Variants in OPA3 observed in about 807,000 individuals in gnomAD.
OPA3 encodes the protein outer mitochondrial membrane lipid metabolism regulator OPA3.
A neutral mutation model predicts 4.0 loss-of-function variants in OPA3; 6 were observed. The ratio of observed to expected loss-of-function variants is 1.51; its 90% CI spans 0.83 to 2.99. The LOEUF is 2.99. Ranked by LOEUF, OPA3 falls within the 30% of genes most tolerant of loss-of-function variation. The pLI is 0.00. For synonymous variants in OPA3, 105 were observed against 117.1 expected (o/e 0.90, Z 0.67); for missense variants, 235 against 256.2 (o/e 0.92, Z 0.56).
intron 1 of OPA3, among the ~76,000 whole-genome samples, chr19:45,582,545 G>A (rs1378051352): frequency 3.3e-5 from 5 of 151,926 alleles, no homozygotes; most frequent in East Asian, 3.9e-4. Flanking sequence ...GTGCGATCTC[G>A]GTGGAGCAGA....
At chr19:45,535,375 T>C (rs1357540561) in intron 1 of OPA3, among the ~76,000 whole-genome samples, 1 of 150,320 alleles carries the variant, frequency 6.7e-6, no homozygotes, top group African/African-American at 2.4e-5. Context: ...ATTACTTTTT[T>C]TTTTTTTTTT....
At chr19:45,579,092 C>T (rs554577204) in intron 1 of OPA3, among the ~76,000 whole-genome samples, 5 of 152,112 alleles carry the variant, frequency 3.3e-5, no homozygotes, top group Non-Finnish European at 7.3e-5. Flanking sequence ...TCGTTCCCTC[C>T]CTCCTTGGCA....
chr19:45,529,167 C>A (rs902420776), exon 2 of OPA3: 33 of 1,609,672 alleles, frequency 2.1e-5, no homozygotes, highest in Non-Finnish European at 2.7e-5. Context: ...CGAGCTGCGT[C>A]GACGTCGCCT....
chr19:45,555,843 G>A (rs1281710844), intron 1 of OPA3, among the ~76,000 whole-genome samples: 1 of 151,914 alleles, frequency 6.6e-6, no homozygotes, highest in Non-Finnish European at 1.5e-5. Flanking sequence ...TGTTGCCTAG[G>A]CTGGTCTTGA....
At chr19:45,577,416 AGGGC>A in intron 1 of OPA3, among the ~76,000 whole-genome samples, 1 of 152,332 alleles carries the variant, frequency 6.6e-6, no homozygotes, top group South Asian at 2.1e-4. Context: ...GCCACAGCAA[AGGGC>A]AATCAGCAGT....
At chr19:45,560,071 T>C (rs925115061) in intron 1 of OPA3, among the ~76,000 whole-genome samples, 2 of 152,218 alleles carry the variant, frequency 1.3e-5, no homozygotes, top group African/African-American at 4.8e-5. Context: ...TCCTGACTTC[T>C]GTCAGGAATT....
intron 1 of OPA3, among the ~76,000 whole-genome samples, chr19:45,573,504 C>A (rs1969719543): frequency 6.6e-6 from 1 of 152,048 alleles, no homozygotes; most frequent in African/African-American, 2.4e-5. Context: ...GTACAGAGTA[C>A]TTGAGGGCCA....
intron 1 of OPA3, among the ~76,000 whole-genome samples, chr19:45,569,133 A>G (rs1375741837): frequency 2.6e-5 from 4 of 152,120 alleles, no homozygotes; most frequent in Non-Finnish European, 5.9e-5. Flanking sequence ...GAGGATACTC[A>G]GGGGTTTCTA....
At chr19:45,545,843 G>A (rs1599956390), downstream of OPA3, among the ~76,000 whole-genome samples, 1 of 150,762 alleles carries the variant, frequency 6.6e-6, no homozygotes, top group Admixed American at 6.7e-5. Flanking sequence ...CTCCCAAGTA[G>A]CTGGGACTAC....
Position 45,549,434 on chromosome 19 carries a change from C to A in OPA3, c.*4080G>T. The A allele has an allele frequency of 3.0e-6, 3 of 984,798 alleles. No individual in the cohort carries two copies. Among genetic ancestry groups the A allele is most frequent in the Non-Finnish European group, 3.6e-6 (3 of 829,908 alleles). 61.0% of individuals were successfully genotyped at this position (984,798 alleles called of 1,614,324 possible). ...GAGCAGCACTCCATCTGGGTCAGGA[C>A]AGCGCTGGGGTCAGGAATTGGAGCT... On this transcript the variant is annotated 3_prime_UTR_variant, in exon 2 of 2. Transcript: ENST00000263275.
chr19:45,546,833 T>G lies in OPA3; in HGVS notation c.*6681A>C, dbSNP rs1969256330. 2 of 152,072 alleles carry G rather than the reference T, an allele frequency of 1.3e-5. No individual in the cohort carries two copies. Among genetic ancestry groups the G allele is most frequent in the Non-Finnish European group, 2.9e-5 (2 of 68,032 alleles). The allele number at this position is 152,072 out of a possible 1,614,324, so 9.4% of individuals were successfully genotyped here. A position where few individuals can be genotyped will look rare whatever the true frequency, so the allele number is the denominator to read the frequency against. On this transcript the variant is annotated 3_prime_UTR_variant, in exon 2 of 2. Transcript: ENST00000263275. The stretch of plus-strand genomic sequence containing the variant: ...GATGTGCACCACCACACCCGGCTAA[T>G]TTTTGTATTCTTTTTATTAGAGACG...
At chr19:45,584,242 C>T in intron 1 of OPA3, 1 of 707,764 alleles carries the variant, frequency 1.4e-6, no homozygotes, top group Non-Finnish European at 1.7e-6. Context: ...TGAAGTTGCC[C>T]AAGGACAGCC....
rs1205760888 is a variant in OPA3, at chr19:45,547,227, GC to G, written c.*6286del. ...GCAAGGGGCAGCCTTTGCTTGCCTGGCCCCCTCACCTAACTTCTCCCCTCGC... is the reference window on the plus strand; with the variant it reads ...GCAAGGGGCAGCCTTTGCTTGCCTGGCCCCTCACCTAACTTCTCCCCTCGC... On this transcript the variant is annotated 3_prime_UTR_variant, in exon 2 of 2. Coordinates refer to ENST00000263275, the MANE Select transcript of OPA3 (RefSeq NM_025136.4). The G allele has an allele frequency of 6.6e-6, 1 of 152,208 alleles. No homozygotes were observed. Among genetic ancestry groups the G allele is most frequent in the Non-Finnish European group, 1.5e-5 (1 of 68,084 alleles). 9.4% of individuals were successfully genotyped at this position (152,208 alleles called of 1,614,324 possible).
intron 1 of OPA3, 124 bp downstream of exon 1, chr19:45,584,499 T>A (rs1319658843): frequency 1.3e-6 from 2 of 1,530,212 alleles, no homozygotes; most frequent in East Asian, 4.9e-5. Context: ...CCCCCCACTA[T>A]TGGCCACTGG....
In OPA3 at chr19:45,559,393, CTTTCT is replaced by C. The variant is rs1364524897; in HGVS notation, c.143-5487_143-5483del. Among the ~76,000 whole-genome samples the C allele has an allele frequency of 8.9e-4, 87 of 97,832 alleles. 1 individual carries two copies. Among genetic ancestry groups the C allele is most frequent in the East Asian group, 7.0e-3 (19 of 2,726 alleles). 64.2% of individuals were successfully genotyped at this position (97,832 alleles called of 152,430 possible). A position where few individuals can be genotyped will look rare whatever the true frequency, so the allele number is the denominator to read the frequency against. On this transcript the variant is annotated intron_variant, in intron 1 of 1. Coordinates refer to ENST00000263275, the MANE Select transcript of OPA3 (RefSeq NM_025136.4). ...TTCTCTCTCTTCTTTCCCTCTTTTT[CTTTCT>C]TTTTTTTTTTTTTTTTTTTTTGAGA...
chr19:45,559,400 T>TC (rs1375728482), intron 1 of OPA3, among the ~76,000 whole-genome samples: 1 of 117,746 alleles, frequency 8.5e-6, no homozygotes, highest in African/African-American at 3.8e-5. Context: ...TTTCTTTCTT[T>TC]TTTTTTTTTT....
intron 1 of OPA3, among the ~76,000 whole-genome samples, chr19:45,535,762 CTTTTTT>C (rs370775683): frequency 4.1e-5 from 5 of 122,958 alleles, no homozygotes; most frequent in African/African-American, 6.3e-5. Context: ...TTTTTCTTTT[CTTTTTT>C]TTTTTTTTTT....
At chr19:45,529,535 C>T in intron 1 of OPA3, 1 of 1,553,692 alleles carries the variant, frequency 6.4e-7, no homozygotes, top group East Asian at 2.2e-5. Context: ...TTCGATGTCC[C>T]CGTTGTAGCA....
At chr19:45,579,097 T>C (rs1006826252) in intron 1 of OPA3, among the ~76,000 whole-genome samples, 3 of 152,152 alleles carry the variant, frequency 2.0e-5, no homozygotes, top group Non-Finnish European at 2.9e-5. Context: ...CCCTCCCTCC[T>C]TGGCATATTT....
Sources: allele counts gnomAD v4.1 joint callset (sites outside exome capture counted in the v4.1 genomes callset), GRCh38; gene constraint gnomAD v4.1.1; transcripts MANE v1.5; gene names NCBI Gene and HGNC (gene_info 2026-07-23, HGNC 2026-07-21).